Variants in SMPD3 observed in about 807,000 individuals in gnomAD.
SMPD3 encodes sphingomyelin phosphodiesterase 3.
In SMPD3, 21 loss-of-function variants were observed where a neutral mutation model predicts 55.7. That is an observed-to-expected ratio of 0.38 (90% CI 0.27 to 0.54). The LOEUF is 0.54. SMPD3 is among the 20% of genes least tolerant of loss of function. The probability of loss-of-function intolerance (pLI) is 0.80; values close to 1 mark genes in which losing one functional copy is unlikely to be tolerated. For synonymous variants in SMPD3, 457 were observed against 404.3 expected (o/e 1.13, Z -1.56); for missense variants, 842 against 899.6 (o/e 0.94, Z 0.82).
intron 1 of SMPD3, among the ~76,000 whole-genome samples, chr16:68,407,243 C>T (rs1019430518): frequency 1.3e-4 from 20 of 152,028 alleles, no homozygotes; most frequent in African/African-American, 4.8e-4. Flanking sequence ...CAAACGTAGG[C>T]GAGGAGAACT....
chr16:68,442,487 C>A (rs745993426), intron 1 of SMPD3, among the ~76,000 whole-genome samples: 18 of 152,176 alleles, frequency 1.2e-4, no homozygotes, highest in Non-Finnish European at 2.1e-4. Flanking sequence ...TTTGTAGGCA[C>A]AAGAAATGTC....
At chr16:68,367,799 C>T (rs1250906541) in intron 3 of SMPD3, 1 of 152,306 alleles carries the variant, frequency 6.6e-6, no homozygotes, top group Non-Finnish European at 1.5e-5. Context: ...CTTGCAAAAA[C>T]AAGCAATCAC....
intron 2 of SMPD3, among the ~76,000 whole-genome samples, chr16:68,377,021 G>T (rs1251537515): frequency 6.6e-6 from 1 of 152,138 alleles, no homozygotes; most frequent in Non-Finnish European, 1.5e-5. Context: ...GTCAGCCCTT[G>T]TGTGCCCTGT....
chr16:68,413,986 A>G (rs1296276498), intron 1 of SMPD3, among the ~76,000 whole-genome samples: 1 of 152,204 alleles, frequency 6.6e-6, no homozygotes, highest in Non-Finnish European at 1.5e-5. Context: ...AGGTGTGGAC[A>G]GATGAAGGTT....
Position 68,361,741 on chromosome 16 carries a change from C to T in SMPD3, c.1728G>A (p.Glu576=), listed in dbSNP as rs752784495. 6 of 1,612,634 alleles carry T rather than the reference C, an allele frequency of 3.7e-6. No homozygotes were observed. In the South Asian group the frequency reaches 4.4e-5, roughly 12 times the overall value. ...GAAACGCCAGGTACTCCCTGCGGCC[C>T]TCCTCACTCTCCAGGACCCTGTCCA... ...DNLQKVLESE[E]GRREYLAFPT... is the part of the protein sequence containing the mutation. Residue 576 remains glutamate (E), a synonymous_variant, in exon 8 of 9, where the codon GAG becomes GAA. Coordinates refer to ENST00000219334, the MANE Select transcript of SMPD3 (RefSeq NM_018667.4).
At chr16:68,385,456 A>G (rs1213308145) in intron 2 of SMPD3, among the ~76,000 whole-genome samples, 1 of 151,916 alleles carries the variant, frequency 6.6e-6, no homozygotes, top group East Asian at 1.9e-4. Flanking sequence ...TGAAGGTTAC[A>G]TTTGTCACCC....
intron 1 of SMPD3, among the ~76,000 whole-genome samples, chr16:68,444,323 C>A (rs2090592491): frequency 6.6e-6 from 1 of 152,124 alleles, no homozygotes; most frequent in Non-Finnish European, 1.5e-5. Flanking sequence ...GGAAATTTTC[C>A]GAGAAAAGCT....
rs1242222543 is a variant in SMPD3 at position 68,359,867 on chromosome 16, TAGGCATCTTGGGGCTGG to T, written c.*1322_*1338del. 1 of 151,538 alleles carries T rather than the reference TAGGCATCTTGGGGCTGG, an allele frequency of 6.6e-6. No individual in the cohort carries two copies. Among genetic ancestry groups the T allele is most frequent in the Non-Finnish European group, 1.5e-5 (1 of 68,090 alleles). 9.4% of individuals were successfully genotyped at this position (151,538 alleles called of 1,614,324 possible). ...TGCTGCCGAAGGGGCCTGGGGGCTGTAGGCATCTTGGGGCTGGAGGCAGATCGGGGACCACAAGCTGT... is the reference window on the plus strand; with the variant it reads ...TGCTGCCGAAGGGGCCTGGGGGCTGTAGGCAGATCGGGGACCACAAGCTGT... On this transcript the variant is annotated 3_prime_UTR_variant, in exon 9 of 9. Transcript: ENST00000219334.
intron 1 of SMPD3, among the ~76,000 whole-genome samples, chr16:68,399,976 C>T (rs1421462926): frequency 6.6e-6 from 1 of 152,250 alleles, no homozygotes; most frequent in African/African-American, 2.4e-5. Flanking sequence ...CACCTCTCCA[C>T]TCTACTCCAT....
chr16:68,376,089 C>G (rs1485654149), intron 2 of SMPD3, among the ~76,000 whole-genome samples: 2 of 152,256 alleles, frequency 1.3e-5, no homozygotes, highest in Non-Finnish European at 2.9e-5. Flanking sequence ...GGTTAATTAT[C>G]TTGTCTCAGG....
At position 68,360,357 on chromosome 16, in the gene SMPD3, A is replaced by C. The variant is rs1382984244; in HGVS notation, c.*849T>G. On this transcript the variant is annotated 3_prime_UTR_variant, in exon 9 of 9. Coordinates refer to ENST00000219334, the MANE Select transcript of SMPD3 (RefSeq NM_018667.4). ...GAGTCCCTTCTTCCTGTAAAAAAAAAAGTGGATACTCTCTTCTCGGATCCC... is the reference window on the plus strand; with the variant it reads ...GAGTCCCTTCTTCCTGTAAAAAAAACAGTGGATACTCTCTTCTCGGATCCC... The C allele has an allele frequency of 6.6e-6, 1 of 152,100 alleles. No homozygotes were observed. Among genetic ancestry groups the C allele is most frequent in the Admixed American group, 6.5e-5 (1 of 15,284 alleles). 9.4% of individuals were successfully genotyped at this position (152,100 alleles called of 1,614,324 possible).
intron 3 of SMPD3, among the ~76,000 whole-genome samples, chr16:68,366,655 C>A (rs1204026394): frequency 6.6e-6 from 1 of 152,200 alleles, no homozygotes; most frequent in East Asian, 1.9e-4. Flanking sequence ...CACCTGAGTT[C>A]AGGAGTTCGA....
intron 1 of SMPD3, among the ~76,000 whole-genome samples, chr16:68,425,236 TG>T (rs2090426520): frequency 6.6e-6 from 1 of 152,122 alleles, no homozygotes; most frequent in South Asian, 2.1e-4. Flanking sequence ...TCTCTGTATA[TG>T]GGAAATCAAA....
chr16:68,375,526 TG>T (rs1393004251), intron 2 of SMPD3, among the ~76,000 whole-genome samples: 1 of 152,222 alleles, frequency 6.6e-6, no homozygotes, highest in Non-Finnish European at 1.5e-5. Context: ...AAGGGAATTC[TG>T]CAAAACTGCT....
chr16:68,364,398 G>C (rs1375376014), intron 5 of SMPD3: 2 of 259,874 alleles, frequency 7.7e-6, no homozygotes, highest in Non-Finnish European at 1.5e-5. Context: ...GGGTTGTTAA[G>C]ACACTTAAGT....
rs931759230 is a variant in SMPD3, at chr16:68,359,825, C to G, written c.*1381G>C. The G allele has an allele frequency of 6.6e-6, 1 of 152,536 alleles. No homozygotes were observed. The highest frequency in any genetic ancestry group is 2.4e-5 in the African/African-American group (1 of 41,456). 9.4% of individuals were successfully genotyped at this position (152,536 alleles called of 1,614,324 possible). A position where few individuals can be genotyped will look rare whatever the true frequency, so the allele number is the denominator to read the frequency against. On this transcript the variant is annotated 3_prime_UTR_variant, in exon 9 of 9. Transcript: ENST00000219334. ...GAGCAGCCCTGGAGTCTCTTAAAGG[C>G]AGGTGGGCAGAGGCAGTGCTGCCGA...
chr16:68,414,388 C>T (rs2090323540), intron 1 of SMPD3, among the ~76,000 whole-genome samples: 1 of 152,236 alleles, frequency 6.6e-6, no homozygotes. Context: ...TTTAGCAAGG[C>T]TTGACCCGGG....
At position 68,371,240 on chromosome 16, in the gene SMPD3, G is replaced by A. The variant is rs114092942; in HGVS notation, c.942C>T (p.Ser314=). 103 of 1,605,884 alleles carry A rather than the reference G, an allele frequency of 6.4e-5. No individual in the cohort carries two copies. In the African/African-American group the frequency reaches 1.0e-3, roughly 16 times the overall value. ...KGRAGPDTSA[S]GEPGANSKLL... The stretch of plus-strand genomic sequence containing the variant: ...GCTTGCTGTTGGCACCTGGCTCCCC[G>A]CTGGCACTGGTGTCTGGCCCAGCTC... Residue 314 remains serine (S), a synonymous_variant, in exon 3 of 9, where the codon AGC becomes AGT. Coordinates refer to ENST00000219334, the MANE Select transcript of SMPD3 (RefSeq NM_018667.4).
chr16:68,414,485 T>C (rs1597655962), intron 1 of SMPD3, among the ~76,000 whole-genome samples: 1 of 151,456 alleles, frequency 6.6e-6, no homozygotes, highest in Admixed American at 6.6e-5. Flanking sequence ...GAGGAGGGGG[T>C]TTGGGAGATG....
Sources: gnomAD v4.1 joint callset for allele counts (sites outside exome capture counted in the v4.1 genomes callset) on GRCh38, gnomAD v4.1.1 for gene constraint, MANE v1.5 for transcripts, NCBI Gene and HGNC (gene_info 2026-07-23, HGNC 2026-07-21) for gene names.